The following CTNND2 variants were observed in gnomAD, a reference collection of about 807,000 sequenced individuals.
CTNND2 encodes the protein catenin delta 2.
A neutral mutation model predicts 144.4 loss-of-function variants in CTNND2; 22 were observed. That is an observed-to-expected ratio of 0.15 (90% CI 0.11 to 0.22). The LOEUF (loss-of-function observed/expected upper bound fraction) is 0.22, where lower values mean the gene tolerates loss of function less well. Ranked by LOEUF, CTNND2 falls within the 10% of genes least tolerant of loss-of-function variation. The pLI is 1.00. For missense variants in CTNND2, 1,353 were observed against 1,618.8 expected (o/e 0.84, Z 2.82); for synonymous variants, 751 against 695.6 (o/e 1.08, Z -1.25).
At position 11,903,827 on chromosome 5, in the gene CTNND2, G is replaced by C. The variant is rs1374249281; in HGVS notation, c.27C>G (p.Ala9=). 2 of 1,482,054 alleles carry C rather than the reference G, an allele frequency of 1.3e-6. No homozygotes were observed. Among genetic ancestry groups the C allele is most frequent in the Admixed American group, 4.6e-5 (2 of 43,938 alleles). The allele number at this position is 1,482,054 out of a possible 1,614,324, so 91.8% of individuals were successfully genotyped here. The part of the protein sequence containing the change: MFARKPPG[A]APLGAMPVPD... ...AGCCCCGCAACTCACCCAAAGGCGC[G>C]GCGCCCGGCGGCTTCCTCGCAAACA... Residue 9 remains alanine (A), a synonymous_variant, in exon 1 of 22, where the codon GCC becomes GCG. Transcript: ENST00000304623. This position sits in a 1 kb window ranked among gnomAD's most constrained non-coding sequence, Gnocchi z 5.4.
intron 8 of CTNND2, among the ~76,000 whole-genome samples, chr5:11,353,765 C>T (rs894881362): frequency 2.0e-5 from 3 of 151,024 alleles, no homozygotes; most frequent in East Asian, 3.9e-4. Flanking sequence ...ATTGTGCCGT[C>T]GCATTCTGGC....
chr5:11,715,157 A>G (rs1466898449), intron 2 of CTNND2, among the ~76,000 whole-genome samples: 2 of 152,176 alleles, frequency 1.3e-5, no homozygotes. Flanking sequence ...TTTAATATCC[A>G]ATACTCTCTG....
chr5:11,770,576 C>CA (rs1431472280), intron 1 of CTNND2, among the ~76,000 whole-genome samples: 1 of 152,002 alleles, frequency 6.6e-6, no homozygotes, highest in East Asian at 1.9e-4. Flanking sequence ...ACAGTGATCA[C>CA]AAAAAACAGA....
intron 1 of CTNND2, among the ~76,000 whole-genome samples, chr5:11,813,410 A>C (rs1175497820): frequency 2.0e-5 from 3 of 152,120 alleles, no homozygotes; most frequent in Non-Finnish European, 2.9e-5. Flanking sequence ...CGAATCTTGG[A>C]ATGTTTTCAC....
chr5:11,672,826 C>T (rs916705408), intron 2 of CTNND2, among the ~76,000 whole-genome samples: 6 of 152,094 alleles, frequency 3.9e-5, no homozygotes, highest in South Asian at 2.1e-4. Context: ...CCTCCCAGTA[C>T]AGTCTCTCAC....
At chr5:11,208,601 G>A (rs1349251702) in intron 10 of CTNND2, among the ~76,000 whole-genome samples, 1 of 152,116 alleles carries the variant, frequency 6.6e-6, no homozygotes, top group African/African-American at 2.4e-5. Flanking sequence ...CACCACATAA[G>A]GGATGACACA....
intron 5 of CTNND2, among the ~76,000 whole-genome samples, chr5:11,404,602 C>CTGTTTTTTT (rs1760926317): frequency 1.7e-5 from 1 of 57,368 alleles, no homozygotes; most frequent in Non-Finnish European, 4.0e-5. Flanking sequence ...TATCTGTATT[C>CTGTTTTTTT]TTTTTTTTTT....
chr5:11,257,009 T>G (rs1296029695), intron 9 of CTNND2, among the ~76,000 whole-genome samples: 5 of 152,242 alleles, frequency 3.3e-5, no homozygotes, highest in Non-Finnish European at 7.3e-5. Context: ...GGAGCAAAAT[T>G]ATCTCTGGTT....
At chr5:11,609,763 G>C (rs1396260806) in intron 2 of CTNND2, among the ~76,000 whole-genome samples, 2 of 152,162 alleles carry the variant, frequency 1.3e-5, no homozygotes, top group Non-Finnish European at 2.9e-5. Flanking sequence ...TGGGACCCAG[G>C]TGGGTTTGAA....
At chr5:11,448,619 T>C (rs1765046098) in intron 3 of CTNND2, among the ~76,000 whole-genome samples, 1 of 152,196 alleles carries the variant, frequency 6.6e-6, no homozygotes. Flanking sequence ...CAGTTTTAAT[T>C]ACTTATATTA....
intron 6 of CTNND2, among the ~76,000 whole-genome samples, chr5:11,386,792 C>T (rs1759128306): frequency 6.6e-6 from 1 of 152,110 alleles, no homozygotes; most frequent in Admixed American, 6.6e-5. Flanking sequence ...AGCAGAGACT[C>T]CAGGAATATT....
At chr5:11,077,703 T>C (rs2149625094) in intron 16 of CTNND2, among the ~76,000 whole-genome samples, 1 of 151,848 alleles carries the variant, frequency 6.6e-6, no homozygotes, top group South Asian at 2.1e-4. Context: ...CCATCTAGGG[T>C]GAAGGAAGCA....
At chr5:11,328,884 A>G (rs933467883) in intron 9 of CTNND2, among the ~76,000 whole-genome samples, 18 of 152,262 alleles carry the variant, frequency 1.2e-4, no homozygotes, top group African/African-American at 4.3e-4. Flanking sequence ...GTATTAGTTT[A>G]CTGGGCCTGC....
At chr5:11,775,486 C>T (rs373713538) in intron 1 of CTNND2, among the ~76,000 whole-genome samples, 34 of 152,356 alleles carry the variant, frequency 2.2e-4, no homozygotes, top group African/African-American at 7.7e-4. Context: ...CCCCATTGCA[C>T]TGTCCCCAAC....
At chr5:11,507,085 C>T (rs1310675746) in intron 3 of CTNND2, among the ~76,000 whole-genome samples, 1 of 152,192 alleles carries the variant, frequency 6.6e-6, no homozygotes, top group African/African-American at 2.4e-5. Context: ...CATCACCTTT[C>T]GCAGGGACCA....
rs531679877 is a variant in CTNND2 at position 11,197,320 on chromosome 5, A to G, written c.1975+2128T>C. On this transcript the variant is annotated intron_variant, in intron 11 of 21. Coordinates refer to ENST00000304623, the MANE Select transcript of CTNND2 (RefSeq NM_001332.4). ...TGCTCTAGAAAGGCAGAAAACATCT[A>G]TTGAAGTAACAACCACTGTCCATCT... Among the ~76,000 whole-genome samples the G allele has an allele frequency of 3.3e-5, 5 of 152,360 alleles. No homozygotes were observed. The East Asian group carries it at 9.7e-4, about 29-fold the overall frequency.
chr5:11,772,421 T>C (rs1460613590), intron 1 of CTNND2, among the ~76,000 whole-genome samples: 1 of 152,120 alleles, frequency 6.6e-6, no homozygotes, highest in African/African-American at 2.4e-5. Flanking sequence ...CGTTCTAACA[T>C]GGGGTCCATA....
chr5:11,583,739 T>TAA (rs1410439835), intron 2 of CTNND2, among the ~76,000 whole-genome samples: 6 of 152,178 alleles, frequency 3.9e-5, no homozygotes, highest in African/African-American at 1.4e-4. Flanking sequence ...TGAAGAAATG[T>TAA]AAATTTCCTA....
At chr5:11,215,274 T>C (rs1417456276) in intron 10 of CTNND2, among the ~76,000 whole-genome samples, 1 of 152,238 alleles carries the variant, frequency 6.6e-6, no homozygotes, top group Non-Finnish European at 1.5e-5. Context: ...ATGAATATCA[T>C]GACACTGGTC....
Sources: gnomAD v4.1 joint callset for allele counts (sites outside exome capture counted in the v4.1 genomes callset) on GRCh38, gnomAD v4.1.1 for gene constraint, Gnocchi (gnomAD v3.1) non-coding constraint, MANE v1.5 for transcripts, NCBI Gene and HGNC (gene_info 2026-07-23, HGNC 2026-07-21) for gene names.